The following PAK1 variants were observed in gnomAD, a reference collection of about 807,000 sequenced individuals.
PAK1 encodes p21 (RAC1) activated kinase 1.
In PAK1, 29 loss-of-function variants were observed where a neutral mutation model predicts 67.4. The ratio of observed to expected loss-of-function variants is 0.43; its 90% CI spans 0.32 to 0.59. PAK1 has a LOEUF of 0.59. PAK1 is among the 20% of genes least tolerant of loss of function. The pLI, the probability that PAK1 is intolerant of heterozygous loss-of-function variation, is 0.07. For synonymous variants in PAK1, 223 were observed against 237.4 expected (o/e 0.94, Z 0.56); for missense variants, 337 against 670.7 (o/e 0.50, Z 5.50).
intron 1 of PAK1, among the ~76,000 whole-genome samples, chr11:77,420,571 G>A (rs775902472): frequency 3.9e-5 from 6 of 152,022 alleles, no homozygotes; most frequent in Non-Finnish European, 7.4e-5. Flanking sequence ...TCCACTTTTT[G>A]TCTATCAGCC....
At chr11:77,422,429 C>T (rs1955315084) in intron 1 of PAK1, among the ~76,000 whole-genome samples, 1 of 151,802 alleles carries the variant, frequency 6.6e-6, no homozygotes, top group Non-Finnish European at 1.5e-5. Flanking sequence ...GGCATGGTGG[C>T]AGGCACCTGT....
chr11:77,379,539 C>G, intron 3 of PAK1, 151 bp from the exon 4 acceptor site: 1 of 660,074 alleles, frequency 1.5e-6, no homozygotes, highest in African/African-American at 1.8e-5. Context: ...ACACAAGCCT[C>G]TTTTATAATA....
intron 1 of PAK1, among the ~76,000 whole-genome samples, chr11:77,442,265 G>A (rs2138449614): frequency 6.6e-6 from 1 of 152,262 alleles, no homozygotes; most frequent in African/African-American, 2.4e-5. Context: ...TTGCATCCTT[G>A]TAGAGTCCTC....
chr11:77,340,331 G>C (rs1018348018), intron 11 of PAK1, among the ~76,000 whole-genome samples: 3 of 152,126 alleles, frequency 2.0e-5, no homozygotes, highest in African/African-American at 7.2e-5. Flanking sequence ...AGATAAAAGA[G>C]ATAAAGGAAT....
At chr11:77,387,073 C>A (rs1374919335) in intron 2 of PAK1, among the ~76,000 whole-genome samples, 2 of 126,824 alleles carry the variant, frequency 1.6e-5, no homozygotes, top group Non-Finnish European at 3.3e-5. Flanking sequence ...CACGCCCAGC[C>A]TTTTTTTTTT....
At chr11:77,513,059 C>T in the PAK1 span, among the ~76,000 whole-genome samples, 1 of 152,182 alleles carries the variant, frequency 6.6e-6, no homozygotes, top group Non-Finnish European at 1.5e-5. Flanking sequence ...CACTGCACTC[C>T]AGCCTGGGCG....
chr11:77,472,692 A>C (rs1957922103), intron 1 of PAK1, among the ~76,000 whole-genome samples: 1 of 152,236 alleles, frequency 6.6e-6, no homozygotes, highest in Non-Finnish European at 1.5e-5. Flanking sequence ...TAGGAGGCAA[A>C]ATTAAAGATT....
At chr11:77,422,354 A>T (rs1955310863) in intron 1 of PAK1, among the ~76,000 whole-genome samples, 1 of 152,128 alleles carries the variant, frequency 6.6e-6, no homozygotes, top group African/African-American at 2.4e-5. Flanking sequence ...CGGGGTCAAG[A>T]GTTTGAGACC....
At chr11:77,481,295 C>G in the PAK1 span, among the ~76,000 whole-genome samples, 1 of 152,112 alleles carries the variant, frequency 6.6e-6, no homozygotes, top group Admixed American at 6.6e-5. Flanking sequence ...ATATATATAA[C>G]TGTGCATTTG....
chr11:77,473,435 C>G (rs1957969550), intron 1 of PAK1, 117 bp downstream of exon 1: 1 of 152,376 alleles, frequency 6.6e-6, no homozygotes, highest in Non-Finnish European at 1.5e-5. Context: ...CCCAGGCGCC[C>G]GGCCCCGCAA....
At chr11:77,435,295 A>C (rs895514534) in intron 1 of PAK1, among the ~76,000 whole-genome samples, 2 of 152,152 alleles carry the variant, frequency 1.3e-5, no homozygotes, top group African/African-American at 4.8e-5. Context: ...CACTGGACTT[A>C]AAGGGTCAGT....
intron 5 of PAK1, among the ~76,000 whole-genome samples, chr11:77,366,784 T>C (rs1046878976): frequency 5.9e-5 from 9 of 152,190 alleles, no homozygotes; most frequent in African/African-American, 2.2e-4. Context: ...TGGAAAAAAG[T>C]CTGGCAGTTC....
intron 10 of PAK1, among the ~76,000 whole-genome samples, chr11:77,341,221 G>A (rs2136244416): frequency 6.6e-6 from 1 of 152,280 alleles, no homozygotes; most frequent in African/African-American, 2.4e-5. Flanking sequence ...ATGAGACCAA[G>A]TATTGGGTCT....
the PAK1 span, among the ~76,000 whole-genome samples, chr11:77,495,224 A>C: frequency 6.6e-6 from 1 of 151,752 alleles, no homozygotes; most frequent in East Asian, 1.9e-4. Context: ...CTGTAATCCC[A>C]GCACTTTGGG....
chr11:77,450,951 T>C (rs897601798), intron 1 of PAK1, among the ~76,000 whole-genome samples: 1 of 150,858 alleles, frequency 6.6e-6, no homozygotes, highest in Non-Finnish European at 1.5e-5. Context: ...GAAATCTGAC[T>C]AACAGCAAAG....
At chr11:77,480,648 C>G in the PAK1 span, among the ~76,000 whole-genome samples, 2 of 151,984 alleles carry the variant, frequency 1.3e-5, no homozygotes, top group South Asian at 4.2e-4. Context: ...CGCAGCCTCC[C>G]GAATAGCTGG....
intron 1 of PAK1, among the ~76,000 whole-genome samples, chr11:77,438,907 C>A (rs554206808): frequency 3.3e-5 from 5 of 152,316 alleles, no homozygotes; most frequent in African/African-American, 1.2e-4. Context: ...AAACCACTCA[C>A]CCACAAAGAC....
intron 1 of PAK1, among the ~76,000 whole-genome samples, chr11:77,393,303 G>C (rs1206356276): frequency 6.6e-6 from 1 of 151,330 alleles, no homozygotes; most frequent in African/African-American, 2.4e-5. Context: ...GAGAGAGAGA[G>C]AGAGAGAGAG....
At chr11:77,412,616 T>C (rs1484709900) in intron 1 of PAK1, among the ~76,000 whole-genome samples, 1 of 151,936 alleles carries the variant, frequency 6.6e-6, no homozygotes, top group African/African-American at 2.4e-5. Context: ...TTTGTACAGA[T>C]GGGGTCTGCC....
Sources: gnomAD v4.1 joint callset for allele counts (sites outside exome capture counted in the v4.1 genomes callset) on GRCh38, gnomAD v4.1.1 for gene constraint, MANE v1.5 for transcripts, NCBI Gene and HGNC (gene_info 2026-07-23, HGNC 2026-07-21) for gene names.